SLC35F1: variants seen among roughly 807,000 people sequenced by gnomAD.
SLC35F1 encodes chromosome 6 open reading frame 169.
Under a neutral mutation model 48.7 loss-of-function variants are expected in SLC35F1, and 14 were observed. The observed-to-expected ratio is 0.29, with a 90% CI of 0.19 to 0.45. The LOEUF (loss-of-function observed/expected upper bound fraction) is 0.45. SLC35F1 is among the 20% of genes least tolerant of loss of function. SLC35F1 has a pLI of 1.00. For synonymous variants in SLC35F1, 190 were observed against 202.2 expected, an observed-to-expected ratio of 0.94 and a Z score of 0.51; for missense variants, 404 against 500.0, an observed-to-expected ratio of 0.81 and a Z score of 1.83.
intron 2 of SLC35F1, among the ~76,000 whole-genome samples, chr6:118,231,260 A>T (rs191804968): frequency 6.6e-6 from 1 of 152,332 alleles, no homozygotes; most frequent in African/African-American, 2.4e-5. Flanking sequence ...GCCAAACTGT[A>T]ATTCTAAAGT....
In SLC35F1 at chr6:118,112,068, CTTTT is replaced by C. The variant is rs61050013; in HGVS notation, c.174-42375_174-42372del. ...AACAAAGGCCTTTCTTTCTTTCTTT[CTTTT>C]TCTTTATTTCTTTCTTTTCTTTTCT... On this transcript the variant is annotated intron_variant, in intron 1 of 7. Coordinates refer to ENST00000360388, the MANE Select transcript of SLC35F1 (RefSeq NM_001029858.4). 2.3e-3 allele frequency among the ~76,000 whole-genome samples: 339 copies of C among 146,996 alleles called. 2 individuals are homozygous for C. The highest frequency in any genetic ancestry group is 7.1e-3 in the African/African-American group (276 of 38,924).
At chr6:117,983,166 T>C (rs746580882) in intron 1 of SLC35F1, among the ~76,000 whole-genome samples, 1 of 152,222 alleles carries the variant, frequency 6.6e-6, no homozygotes, top group Non-Finnish European at 1.5e-5. Context: ...GTCAATAGAC[T>C]TGTCATTGTA....
At chr6:118,102,622 T>C (rs79933345) in intron 1 of SLC35F1, among the ~76,000 whole-genome samples, 3,138 of 152,372 alleles carry the variant, frequency 0.021, 122 homozygotes, top group African/African-American at 0.072. Context: ...CAGCAGCTTT[T>C]GCTCTGAAAT....
chr6:118,104,215 AAATACTCC>A (rs551482408), intron 1 of SLC35F1, among the ~76,000 whole-genome samples: 49 of 151,054 alleles, frequency 3.2e-4, no homozygotes, highest in African/African-American at 1.2e-3. Flanking sequence ...ACCTGTATTT[AAATACTCC>A]AATGGGCTAC....
chr6:118,015,534 C>T (rs539401420), intron 1 of SLC35F1, among the ~76,000 whole-genome samples: 61 of 151,872 alleles, frequency 4.0e-4, no homozygotes, highest in African/African-American at 1.3e-3. Flanking sequence ...AGAGAACATG[C>T]GGTGTTTGGG....
At chr6:118,214,370 A>G (rs1775045233) in intron 2 of SLC35F1, among the ~76,000 whole-genome samples, 2 of 152,214 alleles carry the variant, frequency 1.3e-5, no homozygotes, top group African/African-American at 4.8e-5. Flanking sequence ...ATGAAAACAT[A>G]ACAAGAAAAT....
At chr6:117,921,021 GTC>G (rs1489460345) in intron 1 of SLC35F1, among the ~76,000 whole-genome samples, 10 of 150,854 alleles carry the variant, frequency 6.6e-5, no homozygotes, top group Non-Finnish European at 1.2e-4. Context: ...ATCCGCCTGA[GTC>G]TCTTTTTATG....
chr6:118,122,960 T>G (rs890886170), intron 1 of SLC35F1, among the ~76,000 whole-genome samples: 1 of 152,100 alleles, frequency 6.6e-6, no homozygotes, highest in Non-Finnish European at 1.5e-5. Context: ...GAAACAGAGA[T>G]GGCTATAGGA....
chr6:117,926,055 G>T (rs1006580884), intron 1 of SLC35F1, among the ~76,000 whole-genome samples: 38 of 152,090 alleles, frequency 2.5e-4, no homozygotes, highest in African/African-American at 8.7e-4. Context: ...AAAGGAGTTG[G>T]GGAAGGCATC....
chr6:118,194,224 C>A (rs548571960), intron 2 of SLC35F1, among the ~76,000 whole-genome samples: 79 of 152,148 alleles, frequency 5.2e-4, no homozygotes, highest in African/African-American at 1.9e-3. Flanking sequence ...GCAGTTTTTA[C>A]AAAATCTAGA....
intron 1 of SLC35F1, among the ~76,000 whole-genome samples, chr6:118,077,077 T>TC (rs1228466867): frequency 6.6e-6 from 1 of 152,214 alleles, no homozygotes; most frequent in East Asian, 1.9e-4. Context: ...AGATTAATCT[T>TC]TGAAGAACTT....
At chr6:118,245,846 T>C (rs1775500843) in intron 3 of SLC35F1, among the ~76,000 whole-genome samples, 1 of 152,190 alleles carries the variant, frequency 6.6e-6, no homozygotes. Context: ...CCTGGTGCTT[T>C]TTTTTGGTTT....
At chr6:118,000,059 A>T (rs1044555462) in intron 1 of SLC35F1, among the ~76,000 whole-genome samples, 2 of 152,024 alleles carry the variant, frequency 1.3e-5, no homozygotes, top group Non-Finnish European at 2.9e-5. Flanking sequence ...AAACTATTCC[A>T]ATCAATAGAA....
At chr6:118,300,942 C>T (rs561904773) in intron 7 of SLC35F1, among the ~76,000 whole-genome samples, 10 of 152,132 alleles carry the variant, frequency 6.6e-5, no homozygotes, top group Non-Finnish European at 1.2e-4. Flanking sequence ...CTCATGAAAC[C>T]AGACATTCCA....
At chr6:118,005,111 A>C (rs1020278654) in intron 1 of SLC35F1, among the ~76,000 whole-genome samples, 2 of 152,178 alleles carry the variant, frequency 1.3e-5, no homozygotes, top group East Asian at 3.9e-4. Flanking sequence ...AGACAATGTG[A>C]TGTATAGCTA....
intron 1 of SLC35F1, among the ~76,000 whole-genome samples, chr6:118,145,698 AT>A (rs1773961593): frequency 1.3e-5 from 2 of 152,170 alleles, no homozygotes; most frequent in Non-Finnish European, 1.5e-5. Flanking sequence ...ACCTTAAGAT[AT>A]TGCCTGACAT....
Position 117,907,571 on chromosome 6 carries a change from G to A in SLC35F1, c.-156G>A. The stretch of plus-strand genomic sequence containing the variant: ...GGCGGGCTGGGCGGCGGCGGCCGTA[G>A]CCGCGGGTGCCTCCCCGCCTCACCG... On this transcript the variant is annotated 5_prime_UTR_variant, in exon 1 of 8. Coordinates refer to ENST00000360388, the MANE Select transcript of SLC35F1 (RefSeq NM_001029858.4). 1 of 394,964 alleles carries A rather than the reference G, an allele frequency of 2.5e-6. No homozygotes were observed. 24.5% of individuals were successfully genotyped at this position (394,964 alleles called of 1,614,324 possible).
chr6:118,139,901 A>G (rs1773857912), intron 1 of SLC35F1, among the ~76,000 whole-genome samples: 1 of 152,168 alleles, frequency 6.6e-6, no homozygotes, highest in African/African-American at 2.4e-5. Context: ...GGGAGGAGGT[A>G]GGGAGCTAGA....
At chr6:118,159,238 A>G (rs1408235555) in intron 2 of SLC35F1, among the ~76,000 whole-genome samples, 2 of 150,648 alleles carry the variant, frequency 1.3e-5, no homozygotes, top group Non-Finnish European at 3.0e-5. Context: ...AAAAAAAAAA[A>G]AAAAAAAAAG....
Sources: gnomAD v4.1 joint callset for allele counts (sites outside exome capture counted in the v4.1 genomes callset) on GRCh38, gnomAD v4.1.1 for gene constraint, MANE v1.5 for transcripts, NCBI Gene and HGNC (gene_info 2026-07-23, HGNC 2026-07-21) for gene names.